Variants in NTRK3 observed in about 807,000 individuals in gnomAD.
NTRK3 encodes the protein neurotrophic receptor tyrosine kinase 3, also known as NT-3 growth factor receptor.
In NTRK3, 24 loss-of-function variants were observed where a neutral mutation model predicts 91.7. The ratio of observed to expected loss-of-function variants is 0.26; its 90% CI spans 0.19 to 0.37. NTRK3 has a LOEUF of 0.37. Among genes scored for constraint, NTRK3 ranks in the 10% least tolerant of loss-of-function variants. NTRK3 has a pLI of 1.00. For missense variants in NTRK3, 880 were observed against 1,068.9 expected (o/e 0.82, Z 2.46); for synonymous variants, 483 against 404.0 (o/e 1.20, Z -2.34).
intron 12 of NTRK3, 21 bp downstream of exon 12, chr15:88,127,141 C>G (rs1427232913): frequency 6.2e-7 from 1 of 1,608,136 alleles, no homozygotes; most frequent in Non-Finnish European, 8.5e-7. Context: ...ACACACTCCT[C>G]TTGACCAAGA....
At chr15:88,106,979 C>G (rs2050781208) in intron 13 of NTRK3, among the ~76,000 whole-genome samples, 1 of 151,244 alleles carries the variant, frequency 6.6e-6, no homozygotes, top group African/African-American at 2.4e-5. Flanking sequence ...TACTCAGGTA[C>G]AGATCTACAG....
At chr15:88,060,989 A>T (rs1444072916) in intron 13 of NTRK3, among the ~76,000 whole-genome samples, 1 of 151,862 alleles carries the variant, frequency 6.6e-6, no homozygotes, top group Non-Finnish European at 1.5e-5. Flanking sequence ...AACTATTAAA[A>T]TAGTCTTCAC....
chr15:87,864,061 A>C (rs1040868188), exon 19 of NTRK3: 1 of 232,574 alleles, frequency 4.3e-6, no homozygotes, highest in African/African-American at 2.2e-5. Flanking sequence ...AATAACATGA[A>C]TCTTCCCCCA....
intron 14 of NTRK3, chr15:87,981,384 G>A: frequency 1.2e-6 from 2 of 1,613,914 alleles, no homozygotes; most frequent in Non-Finnish European, 1.7e-6. Flanking sequence ...CAGACATGGG[G>A]GAATTAATGG....
chr15:87,929,417 G>A (rs2141916165), exon 17 of NTRK3: 1 of 1,614,054 alleles, frequency 6.2e-7, no homozygotes, highest in Non-Finnish European at 8.5e-7. Context: ...AAGGATCATT[G>A]CATCTGGCCC....
chr15:87,860,638 G>A (rs546362190), exon 19 of NTRK3: 2 of 207,614 alleles, frequency 9.6e-6, no homozygotes, highest in South Asian at 1.9e-4. Flanking sequence ...GCATTCACCT[G>A]TCATAAAGGA....
At chr15:88,043,478 A>T (rs1169268531) in intron 13 of NTRK3, among the ~76,000 whole-genome samples, 1 of 152,170 alleles carries the variant, frequency 6.6e-6, no homozygotes, top group Admixed American at 6.5e-5. Flanking sequence ...ACTTTTGAAG[A>T]CTGGGAGGAA....
At chr15:88,190,321 C>G (rs1037357626) in intron 3 of NTRK3, among the ~76,000 whole-genome samples, 13 of 152,224 alleles carry the variant, frequency 8.5e-5, no homozygotes, top group Admixed American at 5.9e-4. Flanking sequence ...TTTTTTCCAC[C>G]TAAAATGCAT....
At position 87,980,448 on chromosome 15, in the gene NTRK3, T is replaced by C. The variant is rs183417041; in HGVS notation, c.1586-39695A>G. On this transcript the variant is annotated intron_variant, in intron 14 of 18. Transcript: ENST00000394480. The stretch of plus-strand genomic sequence containing the variant: ...ATCTGTATGTTTGTGTTTGCATGTG[T>C]ACACCTGTGTGTTTTCATGTGGATG... Among the ~76,000 whole-genome samples the C allele has an allele frequency of 5.8e-4, 88 of 152,336 alleles. 1 individual carries two copies. Among genetic ancestry groups the C allele is most frequent in the Middle Eastern group, 6.8e-3 (2 of 294 alleles).
At chr15:88,073,304 G>A (rs1308017798) in intron 13 of NTRK3, among the ~76,000 whole-genome samples, 1 of 152,230 alleles carries the variant, frequency 6.6e-6, no homozygotes, top group African/African-American at 2.4e-5. Context: ...AGAGCATTCA[G>A]CTGACTGGGA....
chr15:88,221,410 T>C (rs1237299101), intron 3 of NTRK3, among the ~76,000 whole-genome samples: 1 of 152,212 alleles, frequency 6.6e-6, no homozygotes, highest in Admixed American at 6.5e-5. Context: ...ATAACAGCAA[T>C]TTTAACCATG....
At chr15:88,193,889 G>A (rs149422982) in intron 3 of NTRK3, among the ~76,000 whole-genome samples, 10 of 152,148 alleles carry the variant, frequency 6.6e-5, no homozygotes, top group Non-Finnish European at 2.9e-5. Flanking sequence ...ATGTGTCTAC[G>A]CCTCTTTATG....
At chr15:88,185,186 A>G (rs1275631120) in intron 3 of NTRK3, among the ~76,000 whole-genome samples, 5 of 152,220 alleles carry the variant, frequency 3.3e-5, no homozygotes, top group Non-Finnish European at 7.3e-5. Context: ...AGCACACTAC[A>G]TCTATTAACT....
At chr15:88,201,948 C>T (rs2048336686) in intron 3 of NTRK3, among the ~76,000 whole-genome samples, 1 of 152,112 alleles carries the variant, frequency 6.6e-6, no homozygotes, top group African/African-American at 2.4e-5. Flanking sequence ...GTCACTCTCT[C>T]TTCTATTTCC....
At chr15:88,102,420 A>G (rs890767430) in intron 13 of NTRK3, among the ~76,000 whole-genome samples, 1 of 152,228 alleles carries the variant, frequency 6.6e-6, no homozygotes, top group African/African-American at 2.4e-5. Context: ...CATAGAAGGA[A>G]TAAGACCTAG....
chr15:88,173,531 T>A (rs114163679), intron 5 of NTRK3, among the ~76,000 whole-genome samples: 4 of 152,344 alleles, frequency 2.6e-5, no homozygotes, highest in African/African-American at 9.6e-5. Context: ...ATACCCACTC[T>A]GTGTAATCAT....
In NTRK3 at chr15:88,235,206, G is replaced by T. The variant is rs1162878615; in HGVS notation, c.248+20700C>A. Among the ~76,000 whole-genome samples the T allele has an allele frequency of 6.6e-6, 1 of 152,186 alleles. No homozygotes were observed. The highest frequency in any genetic ancestry group is 1.5e-5 in the Non-Finnish European group (1 of 68,032). ...TATCAACGGATGGCCTCTATCCACTGAATTGTAAGGTCCCAGGCCAGAAAC... is the reference window on the plus strand; with the variant it reads ...TATCAACGGATGGCCTCTATCCACTTAATTGTAAGGTCCCAGGCCAGAAAC... On this transcript the variant is annotated intron_variant, in intron 3 of 18. Transcript: ENST00000394480. This position sits in a 1 kb window ranked among gnomAD's most constrained non-coding sequence, Gnocchi z 5.2.
At chr15:88,126,123 C>A (rs983191165) in intron 13 of NTRK3, 148 bp downstream of exon 13, 31 of 643,244 alleles carry the variant, frequency 4.8e-5, no homozygotes, top group Admixed American at 1.4e-4. Context: ...CAAGAACAAG[C>A]GGCAAACAGG....
chr15:88,135,604 T>TC (rs1184313465), intron 9 of NTRK3, among the ~76,000 whole-genome samples: 3 of 152,170 alleles, frequency 2.0e-5, no homozygotes, highest in Non-Finnish European at 4.4e-5. Context: ...GCTGGAGGGC[T>TC]CCCTCTTGGG....
Sources: gnomAD v4.1 joint callset for allele counts (sites outside exome capture counted in the v4.1 genomes callset) on GRCh38, gnomAD v4.1.1 for gene constraint, Gnocchi (gnomAD v3.1) non-coding constraint, MANE v1.5 for transcripts, NCBI Gene and HGNC (gene_info 2026-07-23, HGNC 2026-07-21) for gene names.